The following RALYL variants were observed in gnomAD, a reference collection of about 807,000 sequenced individuals.
The protein encoded by RALYL is RALY RNA binding protein like.
RALYL carries 29 observed loss-of-function variants against 35.1 expected under a neutral mutation model. The observed-to-expected ratio is 0.83, with a 90% CI of 0.61 to 1.13. The LOEUF (loss-of-function observed/expected upper bound fraction) is 1.13. RALYL is among the 50% of genes most tolerant of loss of function. The pLI, the probability that RALYL is intolerant of heterozygous loss-of-function variation, is 0.00. For synonymous variants in RALYL, 120 were observed against 127.6 expected (o/e 0.94, Z 0.40); for missense variants, 359 against 360.4 (o/e 1.00, Z 0.03).
intron 2 of RALYL, among the ~76,000 whole-genome samples, chr8:84,733,785 A>T (rs184735603): frequency 1.3e-5 from 2 of 152,280 alleles, no homozygotes; most frequent in East Asian, 3.9e-4. Context: ...GGACACAGTG[A>T]TCACTGGTGA....
rs139452351 is a variant in RALYL at position 84,534,502 on chromosome 8, G to A, written c.256+4925G>A. On this transcript the variant is annotated intron_variant, in intron 2 of 8. Coordinates refer to ENST00000521268, the MANE Select transcript of RALYL (RefSeq NM_173848.7). ...CTAAGCTATAAGTTTTTTAGGGCAC[G>A]GAATATATATGTTTTTACTCATCTT... is the stretch of plus-strand genomic sequence containing the variant. 2.8e-3 allele frequency among the ~76,000 whole-genome samples: 423 copies of A among 152,172 alleles called. 2 individuals are homozygous for A. Among genetic ancestry groups the A allele is most frequent in the African/African-American group, 9.4e-3 (392 of 41,498 alleles).
At chr8:84,595,549 C>T (rs1306766701) in intron 2 of RALYL, among the ~76,000 whole-genome samples, 1 of 152,008 alleles carries the variant, frequency 6.6e-6, no homozygotes, top group African/African-American at 2.4e-5. Flanking sequence ...CTTTAAACCA[C>T]CTTTAGTTTT....
At chr8:84,702,333 C>T (rs888427766) in intron 2 of RALYL, among the ~76,000 whole-genome samples, 1 of 152,250 alleles carries the variant, frequency 6.6e-6, no homozygotes. Context: ...AGCCCTAAAT[C>T]ATATTGGCCT....
chr8:84,863,929 G>T (rs1358941220), intron 6 of RALYL, among the ~76,000 whole-genome samples: 1 of 152,088 alleles, frequency 6.6e-6, no homozygotes. Context: ...TTGGAGGTTA[G>T]GTCACCCCAA....
intron 1 of RALYL, among the ~76,000 whole-genome samples, chr8:84,299,457 G>A (rs184347198): frequency 2.2e-4 from 33 of 151,654 alleles, no homozygotes; most frequent in African/African-American, 7.2e-4. Context: ...TGCTTGTTTC[G>A]GTATCAGGAT....
At chr8:84,605,727 T>C (rs551601986) in intron 2 of RALYL, among the ~76,000 whole-genome samples, 25 of 152,224 alleles carry the variant, frequency 1.6e-4, no homozygotes, top group African/African-American at 4.8e-4. Flanking sequence ...GGCAATCTTT[T>C]TCTCCCTCCC....
intron 3 of RALYL, among the ~76,000 whole-genome samples, chr8:84,781,429 A>G (rs1818146007): frequency 6.6e-6 from 1 of 152,182 alleles, no homozygotes; most frequent in Admixed American, 6.5e-5. Flanking sequence ...AGAATGGCCT[A>G]TTTGCAGTTT....
At chr8:84,421,783 T>A (rs1374180215) in intron 1 of RALYL, among the ~76,000 whole-genome samples, 25 of 138,018 alleles carry the variant, frequency 1.8e-4, no homozygotes, top group Non-Finnish European at 2.2e-4. Flanking sequence ...GTCAAAGGCT[T>A]TTTCTGCATC....
intron 1 of RALYL, among the ~76,000 whole-genome samples, chr8:84,204,339 C>G (rs73295608): frequency 0.048 from 7,269 of 152,012 alleles, 564 homozygotes; most frequent in African/African-American, 0.16. Context: ...TAAATAAAAT[C>G]TATAAATAAT....
chr8:84,828,634 TA>T, intron 4 of RALYL: 1 of 181,844 alleles, frequency 5.5e-6, no homozygotes. Context: ...AAATGTTTTG[TA>T]AAAACCAACA....
chr8:84,558,723 C>G (rs2061294701), intron 2 of RALYL, among the ~76,000 whole-genome samples: 1 of 152,020 alleles, frequency 6.6e-6, no homozygotes, highest in Non-Finnish European at 1.5e-5. Context: ...AAAAGTTCTC[C>G]TACAGAGATA....
At chr8:84,879,816 G>C (rs1042270292) in intron 7 of RALYL, among the ~76,000 whole-genome samples, 1 of 151,980 alleles carries the variant, frequency 6.6e-6, no homozygotes, top group African/African-American at 2.4e-5. Flanking sequence ...CCTTTCAACT[G>C]CTTACTGGAG....
At chr8:84,231,021 A>G (rs1287251916) in intron 1 of RALYL, among the ~76,000 whole-genome samples, 1 of 152,236 alleles carries the variant, frequency 6.6e-6, no homozygotes, top group Non-Finnish European at 1.5e-5. Flanking sequence ...GAACAAAAGA[A>G]CAGCTTCAGC....
chr8:84,491,480 G>A (rs539771316), intron 1 of RALYL, among the ~76,000 whole-genome samples: 1 of 151,998 alleles, frequency 6.6e-6, no homozygotes, highest in South Asian at 2.1e-4. Context: ...GTCTTTCTAT[G>A]TCCTTAACAT....
intron 1 of RALYL, among the ~76,000 whole-genome samples, chr8:84,332,679 A>C (rs1274198136): frequency 6.6e-6 from 1 of 152,004 alleles, no homozygotes; most frequent in African/African-American, 2.4e-5. Flanking sequence ...ACTCCTACCT[A>C]TTTTCCTTTT....
At chr8:84,741,636 A>T (rs1309284158) in intron 2 of RALYL, among the ~76,000 whole-genome samples, 1 of 151,974 alleles carries the variant, frequency 6.6e-6, no homozygotes, top group Non-Finnish European at 1.5e-5. Context: ...CCTTCTAAAG[A>T]CCTGCCACCT....
At chr8:84,851,665 G>C (rs1057317971) in intron 5 of RALYL, among the ~76,000 whole-genome samples, 2 of 152,094 alleles carry the variant, frequency 1.3e-5, no homozygotes, top group African/African-American at 4.8e-5. Context: ...AGCCTCTAGG[G>C]CCTTTTGTAA....
chr8:84,479,248 T>C (rs2053810422), intron 1 of RALYL, among the ~76,000 whole-genome samples: 1 of 152,052 alleles, frequency 6.6e-6, no homozygotes, highest in South Asian at 2.1e-4. Flanking sequence ...TCATCATCAT[T>C]ATACACAAAT....
intron 1 of RALYL, among the ~76,000 whole-genome samples, chr8:84,217,053 A>G (rs1821002019): frequency 6.6e-6 from 1 of 152,092 alleles, no homozygotes; most frequent in South Asian, 2.1e-4. Context: ...ATAGGTTATA[A>G]CCCTTTTAAA....
Sources: allele counts gnomAD v4.1 joint callset (sites outside exome capture counted in the v4.1 genomes callset), GRCh38; gene constraint gnomAD v4.1.1; transcripts MANE v1.5; gene names NCBI Gene and HGNC (gene_info 2026-07-23, HGNC 2026-07-21).